Variants in CRYBG1 observed in about 807,000 individuals in gnomAD.
CRYBG1 encodes the protein beta/gamma crystallin domain-containing protein 1.
CRYBG1 carries 139 observed loss-of-function variants against 189.2 expected under a neutral mutation model. The observed-to-expected ratio is 0.73, with a 90% confidence interval of 0.64 to 0.85. The LOEUF (loss-of-function observed/expected upper bound fraction) is 0.85. CRYBG1 is among the 40% of genes least tolerant of loss of function. CRYBG1 has a pLI of 0.00. For missense variants in CRYBG1, 2,611 were observed against 2,675.8 expected (o/e 0.98, Z 0.53); for synonymous variants, 1,023 against 1,017.1 (o/e 1.01, Z -0.11).
At position 106,547,316 on chromosome 6, in the gene CRYBG1, G is replaced by A. The variant is rs141316656; in HGVS notation, c.5312+2383G>A. The stretch of plus-strand genomic sequence containing the variant: ...ATTTGTCATTTGACAAGTATTTATT[G>A]CGGTCTGTTATGTGCAAAGCATTGT... On this transcript the variant is annotated intron_variant, in intron 13 of 21. Transcript: ENST00000633556. 4.3e-3 allele frequency among the ~76,000 whole-genome samples: 648 copies of A among 152,286 alleles called. 7 individuals are homozygous for A. The highest frequency in any genetic ancestry group is 0.015 in the African/African-American group (610 of 41,552).
chr6:106,434,774 T>G lies in CRYBG1; in HGVS notation c.174-16920T>G, dbSNP rs1178433183. On this transcript the variant is annotated intron_variant, in intron 1 of 21. Coordinates refer to ENST00000633556, the MANE Select transcript of CRYBG1 (RefSeq NM_001371242.2). ...TACAAAAACAGGTGGTGTGCCAGAG[T>G]TGGCCTGCAGGCCTTAGTGTGCTAA... is the stretch of plus-strand genomic sequence containing the variant. Among the ~76,000 whole-genome samples, 3 of 152,312 alleles carry G rather than the reference T, an allele frequency of 2.0e-5. No individual in the cohort carries two copies. In the East Asian group the frequency reaches 5.8e-4, roughly 29 times the overall value.
At chr6:106,389,226 G>A (rs764689082) in intron 1 of CRYBG1, among the ~76,000 whole-genome samples, 6 of 151,942 alleles carry the variant, frequency 3.9e-5, no homozygotes, top group Admixed American at 6.6e-5. Context: ...GAAAATTGCC[G>A]TATATATTTA....
At chr6:106,438,310 C>T (rs1014510635) in intron 1 of CRYBG1, among the ~76,000 whole-genome samples, 8 of 152,316 alleles carry the variant, frequency 5.3e-5, no homozygotes, top group African/African-American at 1.7e-4. Flanking sequence ...TGCACATTCA[C>T]GTTGGGGTAG....
rs768180047 is a variant in CRYBG1 at position 106,512,450 on chromosome 6, G to T, written c.1333G>T (p.Asp445Tyr). 2.5e-6 allele frequency: 4 copies of T among 1,610,742 alleles called. No homozygotes were observed. Among genetic ancestry groups the T allele is most frequent in the Non-Finnish European group, 1.7e-6 (2 of 1,179,008 alleles). ...AELPESAARD[D>Y]AVFDDEVAPN... ...GCTCCCTGAGAGCGCTGCCAGGGAC[G>T]ACGCGGTGTTCGACGACGAGGTGGC... is the stretch of plus-strand genomic sequence containing the variant. The change falls in exon 3 of 22, where the codon GAC becomes TAC. Residue 445 changes from aspartate to tyrosine, a missense_variant. Physicochemically the swap from Asp to Tyr is radical, Grantham distance 160. This residue lies in a region of CRYBG1 where 985 missense variants were observed against 924.4 expected (regional missense o/e 1.07). Coordinates refer to ENST00000633556, the MANE Select transcript of CRYBG1 (RefSeq NM_001371242.2).
intron 21 of CRYBG1, among the ~76,000 whole-genome samples, chr6:106,566,462 G>GTTTTTTTTTTTTT (rs1312190668): frequency 1.1e-5 from 1 of 90,974 alleles, no homozygotes; most frequent in Admixed American, 1.3e-4. Flanking sequence ...AGCAACAACA[G>GTTTTTTTTTTTTT]TCTTTTTTTT....
At chr6:106,389,966 G>C (rs910342535) in intron 1 of CRYBG1, among the ~76,000 whole-genome samples, 1 of 151,938 alleles carries the variant, frequency 6.6e-6, no homozygotes, top group Non-Finnish European at 1.5e-5. Context: ...TTTTGGCAAA[G>C]GATACTTTTT....
chr6:106,449,473 T>C (rs1771735244), intron 1 of CRYBG1: 1 of 152,328 alleles, frequency 6.6e-6, no homozygotes, highest in Non-Finnish European at 1.5e-5. Context: ...GCTGACAATG[T>C]GTAAGTCCAC....
intron 10 of CRYBG1, among the ~76,000 whole-genome samples, chr6:106,541,954 G>GA (rs1399754956): frequency 6.6e-6 from 1 of 151,958 alleles, no homozygotes; most frequent in Non-Finnish European, 1.5e-5. Context: ...AATTAGCCAG[G>GA]AAAAAACTTT....
At position 106,521,328 on chromosome 6, in the gene CRYBG1, G is replaced by C. The variant is rs752973425; in HGVS notation, c.4120G>C (p.Glu1374Gln). 4 of 1,614,126 alleles carry C rather than the reference G, an allele frequency of 2.5e-6. No individual in the cohort carries two copies. In the South Asian group the frequency reaches 4.4e-5, roughly 18 times the overall value. The part of the protein sequence containing the change: ...NDDMEKANHI[E>Q]SVIKSNLPNC... ...TGATATGGAAAAGGCTAATCATATT[G>C]AAAGTGTTATTAAATCAAACTTGCC... Residue 1374 changes from glutamate (E) to glutamine (Q), a missense_variant, in exon 4 of 22, where the codon GAA becomes CAA. Transcript: ENST00000633556.
chr6:106,543,436 G>T lies in CRYBG1; in HGVS notation c.4882-4G>T, dbSNP rs1420491755. Reference sequence around the variant, plus strand: ...ATTACTGGTATATCTCATTTCTATTGTAGGTAGTTGTTTATGAAAAGCCTT... The same window carrying T: ...ATTACTGGTATATCTCATTTCTATTTTAGGTAGTTGTTTATGAAAAGCCTT... On this transcript the variant is annotated splice_polypyrimidine_tract_variant and splice_region_variant and intron_variant, in intron 10 of 21. Transcript: ENST00000633556. The T allele has an allele frequency of 1.2e-6, 2 of 1,609,464 alleles. No homozygotes were observed. Among genetic ancestry groups the T allele is most frequent in the Non-Finnish European group, 1.7e-6 (2 of 1,176,210 alleles).
intron 3 of CRYBG1, among the ~76,000 whole-genome samples, chr6:106,517,339 TATACAC>T (rs1488942496): frequency 2.3e-4 from 29 of 127,574 alleles, no homozygotes; most frequent in Admixed American, 3.2e-4. Flanking sequence ...CACATATATA[TATACAC>T]ACACATATAT....
chr6:106,555,810 C>T lies in CRYBG1; in HGVS notation c.5628C>T (p.Tyr1876=), dbSNP rs202037512. ...YDGENFTGNQ[Y]VLEEGHYPCL... The stretch of plus-strand genomic sequence containing the variant: ...GAGAAAATTTCACTGGTAATCAATA[C>T]GTGTTGGAAGAAGGCCATTATCCTT... Residue 1876 remains tyrosine, a synonymous_variant, in exon 17 of 22, where the codon TAC becomes TAT. Coordinates refer to ENST00000633556, the MANE Select transcript of CRYBG1 (RefSeq NM_001371242.2). 1.9e-5 allele frequency: 30 copies of T among 1,614,088 alleles called. No individual in the cohort carries two copies. Among genetic ancestry groups the T allele is most frequent in the African/African-American group, 1.7e-4 (13 of 75,020 alleles).
chr6:106,484,818 T>C (rs1267237937), intron 2 of CRYBG1, among the ~76,000 whole-genome samples: 2 of 151,956 alleles, frequency 1.3e-5, no homozygotes, highest in African/African-American at 4.8e-5. Context: ...ACATCCCATC[T>C]CTACAATATG....
chr6:106,511,615 G>A lies in CRYBG1; in HGVS notation c.498G>A (p.Glu166=), dbSNP rs1342079093. The A allele has an allele frequency of 2.0e-6, 3 of 1,535,730 alleles. No homozygotes were observed. The African/African-American group carries it at 4.1e-5, about 21-fold the overall frequency. The change falls in exon 3 of 22, where the codon GAG becomes GAA. Residue 166 remains glutamate, a synonymous_variant. Coordinates refer to ENST00000633556, the MANE Select transcript of CRYBG1 (RefSeq NM_001371242.2). ...ASPKLPERES[E]RSRSQSSQLK... ...CTAAGCTCCCAGAGAGAGAGAGTGAGAGGAGCAGATCTCAGAGCAGCCAAC... is the reference window on the plus strand; with the variant it reads ...CTAAGCTCCCAGAGAGAGAGAGTGAAAGGAGCAGATCTCAGAGCAGCCAAC...
intron 2 of CRYBG1, among the ~76,000 whole-genome samples, chr6:106,460,856 G>A (rs753795285): frequency 6.6e-6 from 1 of 152,112 alleles, no homozygotes; most frequent in Non-Finnish European, 1.5e-5. Flanking sequence ...GCTAGGTCTT[G>A]GCTCACTGTA....
intron 1 of CRYBG1, among the ~76,000 whole-genome samples, chr6:106,391,960 TGTGTGTGTGTGC>T (rs1229195021): frequency 0.011 from 492 of 46,282 alleles, 2 homozygotes; most frequent in African/African-American, 0.037. Flanking sequence ...TGTGTGTGTG[TGTGTGTGTGTGC>T]GTGCGCGTTT....
At chr6:106,470,605 C>T (rs895152170) in intron 2 of CRYBG1, among the ~76,000 whole-genome samples, 3 of 151,950 alleles carry the variant, frequency 2.0e-5, no homozygotes, top group Non-Finnish European at 4.4e-5. Flanking sequence ...TACTTCTGCA[C>T]TATAAAAAGA....
At chr6:106,540,028 C>T (rs1001438611) in intron 9 of CRYBG1, among the ~76,000 whole-genome samples, 2 of 151,902 alleles carry the variant, frequency 1.3e-5, no homozygotes, top group Admixed American at 6.6e-5. Flanking sequence ...GAGAGCAGGG[C>T]ACGCTGAGGA....
intron 1 of CRYBG1, among the ~76,000 whole-genome samples, chr6:106,370,153 A>G (rs1769988587): frequency 6.6e-6 from 1 of 152,272 alleles, no homozygotes; most frequent in Non-Finnish European, 1.5e-5. Context: ...ATATAAGTTC[A>G]TTAAAATCTT....
Sources: gnomAD v4.1 joint callset for allele counts (sites outside exome capture counted in the v4.1 genomes callset) on GRCh38, gnomAD v4.1.1 for gene constraint, gnomAD v4.1.1 regional missense constraint, MANE v1.5 for transcripts, NCBI Gene and HGNC (gene_info 2026-07-23, HGNC 2026-07-21) for gene names.